Variants in SVOPL observed in about 807,000 individuals in gnomAD.
SVOPL encodes the protein putative transporter SVOPL.
In SVOPL, 60 loss-of-function variants were observed where a neutral mutation model predicts 61.0. The observed-to-expected ratio is 0.98, with a 90% CI of 0.80 to 1.22. The LOEUF is 1.22. Among genes scored for constraint, SVOPL ranks in the 50% most tolerant of loss-of-function variants. The pLI is 0.00. For synonymous variants in SVOPL, 279 were observed against 250.0 expected, an observed-to-expected ratio of 1.12 and a Z score of -1.09; for missense variants, 662 against 643.9, an observed-to-expected ratio of 1.03 and a Z score of -0.30.
chr7:138,693,529 A>AAAAGAAAAAGAAAGAAAG (rs768042193), intron 1 of SVOPL, among the ~76,000 whole-genome samples: 88 of 117,178 alleles, frequency 7.5e-4, no homozygotes, highest in African/African-American at 2.8e-3. Flanking sequence ...AAAAGAAAGA[A>AAAAGAAAAAGAAAGAAAG]AAAGAAAGAA....
chr7:138,659,324 T>C (rs1461489835), intron 6 of SVOPL, among the ~76,000 whole-genome samples: 1 of 152,028 alleles, frequency 6.6e-6, no homozygotes, highest in Non-Finnish European at 1.5e-5. Flanking sequence ...AAACCCCGTC[T>C]CTACTAAAAA....
In SVOPL at chr7:138,594,568, G is replaced by A; in HGVS notation, c.*42C>T. 1 of 1,580,442 alleles carries A rather than the reference G, an allele frequency of 6.3e-7. No individual in the cohort carries two copies. Among genetic ancestry groups the A allele is most frequent in the Non-Finnish European group, 8.6e-7 (1 of 1,165,424 alleles). On this transcript the variant is annotated 3_prime_UTR_variant, in exon 16 of 16. Transcript: ENST00000674285. ...AAAATGCACCGCAGTTCTGAAGATA[G>A]AATTCATTTTTCTCATCTGGTAGAC... is the stretch of plus-strand genomic sequence containing the variant.
At chr7:138,595,379 C>T (rs911312611) in intron 15 of SVOPL, among the ~76,000 whole-genome samples, 1 of 152,054 alleles carries the variant, frequency 6.6e-6, no homozygotes, top group Admixed American at 6.6e-5. Context: ...CCAGTTAGCC[C>T]AGACAATTGT....
chr7:138,676,166 A>G (rs981369349), intron 3 of SVOPL, among the ~76,000 whole-genome samples: 7 of 152,154 alleles, frequency 4.6e-5, no homozygotes, highest in African/African-American at 1.7e-4. Flanking sequence ...CACCTTACCT[A>G]CTAAAGGAGA....
intron 8 of SVOPL, among the ~76,000 whole-genome samples, chr7:138,648,227 A>C (rs1584830333): frequency 6.6e-6 from 1 of 152,196 alleles, no homozygotes; most frequent in East Asian, 1.9e-4. Flanking sequence ...CCGTCAGACA[A>C]AACTTCTAGG....
chr7:138,671,408 C>T (rs558140804), intron 4 of SVOPL, among the ~76,000 whole-genome samples: 4 of 152,282 alleles, frequency 2.6e-5, no homozygotes, highest in East Asian at 3.9e-4. Flanking sequence ...AGCGCAATGG[C>T]GTGGTCTTGG....
rs1799876638 is a variant in SVOPL at position 138,626,029 on chromosome 7, G to A, written c.1203C>T (p.Leu401=). The A allele has an allele frequency of 1.2e-6, 2 of 1,614,020 alleles. No homozygotes were observed. Among genetic ancestry groups the A allele is most frequent in the Admixed American group, 1.7e-5 (1 of 59,988 alleles). ...CTSSAGLIGF[L]FMLRALVAAN... ...CAGCTACCAGAGCCCTCAGCATGAA[G>A]AGGAAGCCAATCAGGCCGGCACTAG... The change falls in exon 13 of 16, where the codon CTC becomes CTT. Residue 401 remains leucine, a synonymous_variant. Coordinates refer to ENST00000674285, the MANE Select transcript of SVOPL (RefSeq NM_001139456.2).
intron 4 of SVOPL, among the ~76,000 whole-genome samples, chr7:138,669,326 T>C (rs923619325): frequency 5.9e-5 from 9 of 152,126 alleles, no homozygotes; most frequent in African/African-American, 2.2e-4. Context: ...GAGGATTATT[T>C]GAGCCCAGGA....
intron 1 of SVOPL, among the ~76,000 whole-genome samples, chr7:138,698,800 T>C (rs1318538629): frequency 6.6e-6 from 1 of 151,402 alleles, no homozygotes; most frequent in East Asian, 1.9e-4. Flanking sequence ...AGCAAAGCCA[T>C]CGAACAAATT....
chr7:138,596,564 T>C (rs781064947), intron 14 of SVOPL, 34 bp from the exon 15 acceptor site: 2 of 1,608,822 alleles, frequency 1.2e-6, no homozygotes, highest in Non-Finnish European at 1.7e-6. Context: ...CAATTTATTA[T>C]GCTCCAGTTA....
intron 1 of SVOPL, chr7:138,689,459 A>G: frequency 1.9e-6 from 2 of 1,046,560 alleles, no homozygotes; most frequent in Non-Finnish European, 1.5e-6. Context: ...TTCCTAAACC[A>G]GAAGACAAGG....
chr7:138,663,333 G>C, intron 4 of SVOPL, 188 bp from the exon 5 acceptor site: 3 of 1,431,374 alleles, frequency 2.1e-6, no homozygotes, highest in Non-Finnish European at 2.7e-6. Context: ...GCTCCCTGTT[G>C]GTGGGAGCCT....
In SVOPL at chr7:138,686,297, G is replaced by A. The variant is rs1443645780; in HGVS notation, c.-34-7218C>T. On this transcript the variant is annotated intron_variant, in intron 1 of 15. Transcript: ENST00000674285. The stretch of plus-strand genomic sequence containing the variant: ...GGGCACCTGTAATCCCAGCTACTTG[G>A]GAGGCTGAGGCAGGAGAATCGCTTG... 6.9e-4 allele frequency among the ~76,000 whole-genome samples: 105 copies of A among 151,704 alleles called. 1 individual carries two copies. Among genetic ancestry groups the A allele is most frequent in the Admixed American group, 6.9e-3 (105 of 15,224 alleles).
At chr7:138,660,424 A>T in intron 5 of SVOPL, 2 of 986,786 alleles carry the variant, frequency 2.0e-6, no homozygotes, top group Non-Finnish European at 2.4e-6. Flanking sequence ...AAAATTAAGA[A>T]ATTGAAATCA....
chr7:138,689,853 T>G (rs1802901937), intron 1 of SVOPL, among the ~76,000 whole-genome samples: 1 of 101,020 alleles, frequency 9.9e-6, no homozygotes. Context: ...TGAGACTCCG[T>G]CTCAAAAAAA....
chr7:138,682,829 G>A (rs1199029029), intron 1 of SVOPL, among the ~76,000 whole-genome samples: 5 of 151,844 alleles, frequency 3.3e-5, no homozygotes, highest in African/African-American at 4.8e-5. Context: ...TTAGCCAGGC[G>A]TGATGGTGCA....
At chr7:138,624,502 C>G (rs2116896126) in intron 13 of SVOPL, among the ~76,000 whole-genome samples, 1 of 152,256 alleles carries the variant, frequency 6.6e-6, no homozygotes, top group East Asian at 1.9e-4. Context: ...AGCTCAAGAA[C>G]AGTACAGACC....
intron 14 of SVOPL, among the ~76,000 whole-genome samples, chr7:138,619,713 C>G (rs1009595985): frequency 6.6e-5 from 10 of 152,142 alleles, no homozygotes; most frequent in East Asian, 5.8e-4. Context: ...AACTCCCGCT[C>G]TCTGTCATTT....
intron 1 of SVOPL, among the ~76,000 whole-genome samples, chr7:138,688,508 G>T (rs191904100): frequency 1.3e-5 from 2 of 152,262 alleles, no homozygotes; most frequent in Middle Eastern, 3.4e-3. Context: ...GACCTCCAGT[G>T]GTCCACCTGC....
Sources: allele counts gnomAD v4.1 joint callset (sites outside exome capture counted in the v4.1 genomes callset), GRCh38; gene constraint gnomAD v4.1.1; transcripts MANE v1.5; gene names NCBI Gene and HGNC (gene_info 2026-07-23, HGNC 2026-07-21).